The following CSMD1 variants were observed in gnomAD, a reference collection of about 807,000 sequenced individuals.
CSMD1 encodes the protein CUB and Sushi multiple domains 1.
A neutral mutation model predicts 417.5 loss-of-function variants in CSMD1; 213 were observed. That is an observed-to-expected ratio of 0.51 (90% CI 0.46 to 0.57). The LOEUF is 0.57. Among genes scored for constraint, CSMD1 ranks in the 20% least tolerant of loss-of-function variants. CSMD1 has a pLI of 0.00. For missense variants in CSMD1, 6,923 were observed against 4,529.7 expected (o/e 1.53, Z -15.17); for synonymous variants, 2,862 against 1,736.8 (o/e 1.65, Z -16.11).
intron 5 of CSMD1, among the ~76,000 whole-genome samples, chr8:3,975,550 G>A (rs1238151786): frequency 2.0e-5 from 3 of 152,100 alleles, no homozygotes; most frequent in African/African-American, 7.2e-5. Flanking sequence ...TCCCACTGTC[G>A]GGATGACGGG....
chr8:3,506,068 G>A (rs988193536), intron 10 of CSMD1, among the ~76,000 whole-genome samples: 2 of 152,192 alleles, frequency 1.3e-5, no homozygotes, highest in African/African-American at 2.4e-5. Flanking sequence ...TCCTCCTGGG[G>A]TTGAGCCCTG....
chr8:4,178,855 A>C (rs1046479244), intron 3 of CSMD1, among the ~76,000 whole-genome samples: 1 of 152,172 alleles, frequency 6.6e-6, no homozygotes, highest in Admixed American at 6.6e-5. Flanking sequence ...AAATACTTAG[A>C]AATCCAACTT....
At chr8:3,211,352 C>A (rs941173282) in intron 30 of CSMD1, among the ~76,000 whole-genome samples, 5 of 152,148 alleles carry the variant, frequency 3.3e-5, no homozygotes, top group African/African-American at 1.2e-4. Flanking sequence ...GTCTAAAATT[C>A]CATCTTTGTA....
In CSMD1 at chr8:3,399,587, C is replaced by T. The variant is rs538691871; in HGVS notation, c.2267-58G>A. The T allele has an allele frequency of 3.7e-6, 5 of 1,336,646 alleles. No individual in the cohort carries two copies. The South Asian group carries it at 6.6e-5, about 18-fold the overall frequency. 82.8% of individuals were successfully genotyped at this position (1,336,646 alleles called of 1,614,324 possible). A position where few individuals can be genotyped will look rare whatever the true frequency, so the allele number is the denominator to read the frequency against. On this transcript the variant is annotated intron_variant, in intron 15 of 69. Transcript: ENST00000635120. The stretch of plus-strand genomic sequence containing the variant: ...AATGAGACAGAAGGATATGCCATAA[C>T]AATACCCGGATAAAAGCCAGAATCT...
In CSMD1 at chr8:4,425,879, C is replaced by A. The variant is rs146661879; in HGVS notation, c.303-5814G>T. Among the ~76,000 whole-genome samples, 199 of 152,056 alleles carry A rather than the reference C, an allele frequency of 1.3e-3. 1 individual carries two copies. The East Asian group carries it at 0.034, about 26-fold the overall frequency. ...TACTGATAAACTTTGAATATTTCAA[C>A]AAAATATGACATATGTTACTCCCTA... On this transcript the variant is annotated intron_variant, in intron 2 of 69. Transcript: ENST00000635120.
chr8:3,267,372 T>G (rs1043661350), intron 26 of CSMD1, among the ~76,000 whole-genome samples: 30 of 152,116 alleles, frequency 2.0e-4, no homozygotes, highest in African/African-American at 7.2e-4. Context: ...ATTGGAAGAT[T>G]TGAAATACAA....
intron 3 of CSMD1, among the ~76,000 whole-genome samples, chr8:4,191,299 G>C (rs552742542): frequency 2.0e-5 from 3 of 152,224 alleles, no homozygotes; most frequent in East Asian, 3.9e-4. Flanking sequence ...GGGAGGCTGA[G>C]GCAGGAGAAT....
At chr8:4,627,500 T>C (rs770469595) in intron 2 of CSMD1, among the ~76,000 whole-genome samples, 4 of 152,194 alleles carry the variant, frequency 2.6e-5, no homozygotes, top group Non-Finnish European at 4.4e-5. Flanking sequence ...CTTTCTTTTC[T>C]CAGAAGGTAT....
intron 3 of CSMD1, among the ~76,000 whole-genome samples, chr8:4,357,243 A>G (rs1021381280): frequency 2.0e-5 from 3 of 152,184 alleles, no homozygotes; most frequent in East Asian, 3.9e-4. Context: ...ACGTGCTAGA[A>G]TTAGAGGTTC....
intron 4 of CSMD1, among the ~76,000 whole-genome samples, chr8:4,018,215 T>C (rs1691677932): frequency 6.6e-6 from 1 of 152,234 alleles, no homozygotes; most frequent in Admixed American, 6.5e-5. Flanking sequence ...TTTTCCAGAA[T>C]TATATTTTCA....
intron 27 of CSMD1, among the ~76,000 whole-genome samples, chr8:3,225,098 G>C (rs890432811): frequency 5.3e-5 from 8 of 152,226 alleles, no homozygotes; most frequent in Non-Finnish European, 7.4e-5. Context: ...TACAAAAAGA[G>C]ACTTTGTTTT....
intron 12 of CSMD1, among the ~76,000 whole-genome samples, chr8:3,447,154 G>A (rs570532729): frequency 5.3e-4 from 80 of 152,174 alleles, no homozygotes; most frequent in African/African-American, 1.7e-3. Flanking sequence ...AAAGAGCCAC[G>A]GGCACTGATG....
chr8:2,989,768 T>G (rs949393111), intron 54 of CSMD1, among the ~76,000 whole-genome samples: 2 of 152,168 alleles, frequency 1.3e-5, no homozygotes, highest in Non-Finnish European at 2.9e-5. Flanking sequence ...TTTTCATACT[T>G]AAAAGCCCAC....
intron 1 of CSMD1, among the ~76,000 whole-genome samples, chr8:4,964,845 C>T (rs1300771922): frequency 6.6e-6 from 1 of 152,168 alleles, no homozygotes; most frequent in East Asian, 1.9e-4. Flanking sequence ...TAATACCAGT[C>T]GTGTCTGATG....
intron 2 of CSMD1, among the ~76,000 whole-genome samples, chr8:4,611,470 T>C (rs762989676): frequency 1.3e-5 from 2 of 152,198 alleles, no homozygotes; most frequent in African/African-American, 4.8e-5. Flanking sequence ...CCTGATTGTA[T>C]AGTTTTCTTC....
At chr8:3,703,060 A>G (rs184484173) in intron 7 of CSMD1, among the ~76,000 whole-genome samples, 9 of 152,310 alleles carry the variant, frequency 5.9e-5, no homozygotes, top group East Asian at 1.9e-4. Context: ...CCACGTAATT[A>G]TAAAATACTT....
At chr8:3,980,305 G>C (rs77035977) in intron 5 of CSMD1, among the ~76,000 whole-genome samples, 6,614 of 152,238 alleles carry the variant, frequency 0.043, 182 homozygotes, top group Middle Eastern at 0.071. Context: ...TGCTATTCTT[G>C]TCACACTGTA....
chr8:4,938,160 G>C (rs28737168), intron 1 of CSMD1, among the ~76,000 whole-genome samples: 2,783 of 152,224 alleles, frequency 0.018, 70 homozygotes, highest in African/African-American at 0.062. Flanking sequence ...GAACATAATA[G>C]AGTTGGGGAA....
At chr8:3,775,004 C>T (rs1179869365) in intron 5 of CSMD1, among the ~76,000 whole-genome samples, 2 of 151,988 alleles carry the variant, frequency 1.3e-5, no homozygotes, top group East Asian at 3.9e-4. Context: ...CCACTCCCGG[C>T]AGGACCAAGC....
Sources: gnomAD v4.1 joint callset for allele counts (sites outside exome capture counted in the v4.1 genomes callset) on GRCh38, gnomAD v4.1.1 for gene constraint, MANE v1.5 for transcripts, NCBI Gene and HGNC (gene_info 2026-07-23, HGNC 2026-07-21) for gene names.